Variants in PRKG1 observed in about 807,000 individuals in gnomAD.
PRKG1 encodes the protein cGMP-dependent protein kinase 1.
PRKG1 carries 35 observed loss-of-function variants against 88.1 expected under a neutral mutation model. The observed-to-expected ratio is 0.40, with a 90% CI of 0.30 to 0.53. The LOEUF is 0.53. Among genes scored for constraint, PRKG1 ranks in the 20% least tolerant of loss-of-function variants. The pLI is 0.59. For synonymous variants in PRKG1, 303 were observed against 292.5 expected (o/e 1.04, Z -0.37); for missense variants, 540 against 839.8 (o/e 0.64, Z 4.41).
At chr10:52,076,637 A>C (rs1394326438) in intron 7 of PRKG1, among the ~76,000 whole-genome samples, 1 of 152,248 alleles carries the variant, frequency 6.6e-6, no homozygotes, top group African/African-American at 2.4e-5. Context: ...TTAAAGTAGG[A>C]AAAGGCAACC....
At chr10:51,323,717 C>T (rs1324152779) in intron 2 of PRKG1, among the ~76,000 whole-genome samples, 1 of 152,116 alleles carries the variant, frequency 6.6e-6, no homozygotes, top group Non-Finnish European at 1.5e-5. Context: ...ACCTGTAATC[C>T]CAGCACTTTG....
intron 5 of PRKG1, among the ~76,000 whole-genome samples, chr10:51,976,685 G>GTGAT (rs1244034099): frequency 6.6e-6 from 1 of 151,934 alleles, no homozygotes; most frequent in Non-Finnish European, 1.5e-5. Context: ...TTAGATTGTA[G>GTGAT]TGATGGTTGT....
chr10:51,592,020 A>C (rs1432938601), intron 3 of PRKG1, among the ~76,000 whole-genome samples: 1 of 152,178 alleles, frequency 6.6e-6, no homozygotes, highest in African/African-American at 2.4e-5. Context: ...TGCTAATTCT[A>C]ATTAGTATAG....
chr10:51,683,762 C>G (rs989082458), intron 3 of PRKG1, among the ~76,000 whole-genome samples: 2 of 152,092 alleles, frequency 1.3e-5, no homozygotes, highest in Non-Finnish European at 2.9e-5. Context: ...TTAGGTTCCC[C>G]CCACCACCCT....
intron 7 of PRKG1, among the ~76,000 whole-genome samples, chr10:52,076,718 C>G (rs1846638126): frequency 1.3e-5 from 2 of 152,172 alleles, no homozygotes; most frequent in African/African-American, 4.8e-5. Flanking sequence ...ATATACAGAG[C>G]TCTCAAATCT....
intron 2 of PRKG1, among the ~76,000 whole-genome samples, chr10:51,204,636 A>G (rs750300417): frequency 6.6e-6 from 1 of 152,130 alleles, no homozygotes; most frequent in Non-Finnish European, 1.5e-5. Flanking sequence ...TACGGATTGA[A>G]AAAATTGCCA....
At chr10:51,877,789 C>T (rs17631875) in intron 4 of PRKG1, among the ~76,000 whole-genome samples, 10,884 of 152,246 alleles carry the variant, frequency 0.071, 506 homozygotes, top group African/African-American at 0.12. Context: ...AACTAACTTT[C>T]CCATAAAGAT....
At chr10:51,999,975 G>T (rs1325377725) in intron 5 of PRKG1, among the ~76,000 whole-genome samples, 3 of 151,960 alleles carry the variant, frequency 2.0e-5, no homozygotes, top group Non-Finnish European at 4.4e-5. Context: ...TCCAATAAAA[G>T]GTTTCAATTT....
chr10:51,351,075 C>T (rs549069066), intron 2 of PRKG1, among the ~76,000 whole-genome samples: 31 of 152,268 alleles, frequency 2.0e-4, no homozygotes, highest in Admixed American at 5.9e-4. Flanking sequence ...CATGTCCCTG[C>T]AAAGGACATG....
intron 3 of PRKG1, among the ~76,000 whole-genome samples, chr10:51,768,823 G>A (rs182951697): frequency 5.4e-4 from 82 of 152,056 alleles, no homozygotes; most frequent in Non-Finnish European, 1.5e-4. Context: ...CTATTTTTTT[G>A]TAAAATGCTT....
intron 1 of PRKG1, among the ~76,000 whole-genome samples, chr10:51,024,941 C>T (rs561769237): frequency 6.6e-6 from 1 of 152,150 alleles, no homozygotes; most frequent in Non-Finnish European, 1.5e-5. Context: ...GGGACACAGA[C>T]CCAAACCATA....
At chr10:51,973,322 G>C (rs1461275870) in intron 5 of PRKG1, among the ~76,000 whole-genome samples, 2 of 152,148 alleles carry the variant, frequency 1.3e-5, no homozygotes, top group African/African-American at 4.8e-5. Context: ...TGAGGTTCCA[G>C]ATCATACTCA....
chr10:51,783,334 A>G (rs1767178691), intron 3 of PRKG1, among the ~76,000 whole-genome samples: 1 of 152,038 alleles, frequency 6.6e-6, no homozygotes, highest in South Asian at 2.1e-4. Context: ...GCTGGAGTTC[A>G]GTGGCATGAT....
chr10:51,033,874 A>C (rs776359137), intron 1 of PRKG1, among the ~76,000 whole-genome samples: 9 of 152,148 alleles, frequency 5.9e-5, no homozygotes, highest in Admixed American at 1.3e-4. Context: ...TCTTATTTCA[A>C]GTTTGTTCAT....
chr10:51,709,536 G>C (rs1841691466), intron 3 of PRKG1, among the ~76,000 whole-genome samples: 1 of 152,210 alleles, frequency 6.6e-6, no homozygotes, highest in African/African-American at 2.4e-5. Flanking sequence ...AAACAGGGAA[G>C]TGCAAATGAC....
intron 2 of PRKG1, among the ~76,000 whole-genome samples, chr10:51,238,918 AT>A (rs927850196): frequency 1.9e-4 from 28 of 149,982 alleles, no homozygotes; most frequent in African/African-American, 3.7e-4. Flanking sequence ...AATAATTTTT[AT>A]TTTTTTTTTA....
intron 3 of PRKG1, among the ~76,000 whole-genome samples, chr10:51,685,828 AAAC>A (rs954760254): frequency 1.3e-5 from 2 of 152,044 alleles, no homozygotes; most frequent in African/African-American, 4.8e-5. Flanking sequence ...GGGGAAAACA[AAAC>A]AACAACAAAA....
chr10:51,210,663 AC>A (rs1261468938), intron 2 of PRKG1, among the ~76,000 whole-genome samples: 1 of 152,198 alleles, frequency 6.6e-6, no homozygotes, highest in African/African-American at 2.4e-5. Context: ...AATACAAACT[AC>A]CATCAGAGAA....
chr10:51,087,066 C>G lies in PRKG1; in HGVS notation c.311+12165C>G, dbSNP rs559901664. On this transcript the variant is annotated intron_variant, in intron 1 of 17. Transcript: ENST00000373980. The stretch of plus-strand genomic sequence containing the variant: ...CAGCTTTTCCCTCTCTTTCTTGACT[C>G]CTGTTAATAGATTTCAACACTTCTT... Among the ~76,000 whole-genome samples the G allele has an allele frequency of 2.6e-5, 4 of 152,230 alleles. No homozygotes were observed. In the East Asian group the frequency reaches 7.7e-4, roughly 29 times the overall value.
Sources: gnomAD v4.1 joint callset for allele counts (sites outside exome capture counted in the v4.1 genomes callset) on GRCh38, gnomAD v4.1.1 for gene constraint, MANE v1.5 for transcripts, NCBI Gene and HGNC (gene_info 2026-07-23, HGNC 2026-07-21) for gene names.